Variants in CTSS observed in about 807,000 individuals in gnomAD.
The protein encoded by CTSS is cathepsin S.
Under a neutral mutation model 39.9 loss-of-function variants are expected in CTSS, and 15 were observed. That is an observed-to-expected ratio of 0.38 (90% CI 0.25 to 0.58). The LOEUF (loss-of-function observed/expected upper bound fraction) is 0.58. CTSS is among the 20% of genes least tolerant of loss of function. CTSS has a pLI of 0.70. For synonymous variants in CTSS, 126 were observed against 138.2 expected, an observed-to-expected ratio of 0.91 and a Z score of 0.62; for missense variants, 250 against 398.2, an observed-to-expected ratio of 0.63 and a Z score of 3.17.
rs771143477 is a variant in CTSS at position 150,755,048 on chromosome 1, A to C, written c.352T>G (p.Ser118Ala). 3 of 1,614,172 alleles carry C rather than the reference A, an allele frequency of 1.9e-6. No individual in the cohort carries two copies. The highest frequency in any genetic ancestry group is 2.2e-5 in the East Asian group (1 of 44,882). Residue 118 changes from serine to alanine, a missense_variant, in exon 4 of 8, where the codon TCT becomes GCT. Coordinates refer to ENST00000368985, the MANE Select transcript of CTSS (RefSeq NM_004079.5). ...CACCCTTTCTCTCTCCAGTCCACAG[A>C]ATCAGGCAATATCCGATTAGGGTTT... ...KSNPNRILPD[S>A]VDWREKGCVT...
chr1:150,755,272 G>A (rs1374099157), intron 3 of CTSS, 122 bp from the exon 4 acceptor site: 9 of 1,095,940 alleles, frequency 8.2e-6, no homozygotes, highest in South Asian at 5.8e-5. Flanking sequence ...AACCTAGAGC[G>A]TATTGGCTCC....
At chr1:150,734,065 G>A (rs1363016911) in intron 7 of CTSS, among the ~76,000 whole-genome samples, 1 of 148,378 alleles carries the variant, frequency 6.7e-6, no homozygotes, top group East Asian at 2.0e-4. Flanking sequence ...TTTCGCTCTT[G>A]TTGCCCAGAC....
intron 7 of CTSS, among the ~76,000 whole-genome samples, chr1:150,737,718 G>A (rs1281885475): frequency 1.3e-5 from 2 of 152,130 alleles, no homozygotes; most frequent in Admixed American, 1.3e-4. Context: ...GGTTCTAGAG[G>A]AGAAACATAT....
At chr1:150,734,668 A>C (rs1652597392) in intron 7 of CTSS, among the ~76,000 whole-genome samples, 1 of 152,060 alleles carries the variant, frequency 6.6e-6, no homozygotes, top group African/African-American at 2.4e-5. Context: ...AATAAAAACC[A>C]TACTACTTAC....
intron 2 of CTSS, among the ~76,000 whole-genome samples, chr1:150,764,243 T>C (rs995616470): frequency 3.9e-5 from 6 of 152,152 alleles, no homozygotes; most frequent in Non-Finnish European, 8.8e-5. Context: ...ATAATATTTA[T>C]TTATTTATTT....
chr1:150,749,373 G>T (rs1652957605), intron 6 of CTSS, among the ~76,000 whole-genome samples: 1 of 152,162 alleles, frequency 6.6e-6, no homozygotes, highest in South Asian at 2.1e-4. Flanking sequence ...CTGATACAGA[G>T]AAAATGTGAG....
chr1:150,747,732 C>A, intron 7 of CTSS, 45 bp downstream of exon 7: 1 of 1,329,884 alleles, frequency 7.5e-7, no homozygotes, highest in Non-Finnish European at 1.1e-6. Context: ...CTGAAACTCC[C>A]TCAAATTCCT....
Position 150,730,746 on chromosome 1 carries a change from T to C in CTSS, c.*2300A>G, listed in dbSNP as rs1477404762. Reference sequence around the variant, plus strand: ...AAACCACGGTAATATTAGCAATACTTCATCATCAAAAGAAAAACCCAGATA... The same window carrying C: ...AAACCACGGTAATATTAGCAATACTCCATCATCAAAAGAAAAACCCAGATA... On this transcript the variant is annotated 3_prime_UTR_variant, in exon 8 of 8. Transcript: ENST00000368985. The C allele has an allele frequency of 6.6e-6, 1 of 152,218 alleles. No individual in the cohort carries two copies. The highest frequency in any genetic ancestry group is 6.5e-5 in the Admixed American group (1 of 15,270). 9.4% of individuals were successfully genotyped at this position (152,218 alleles called of 1,614,324 possible).
At chr1:150,765,287 GTTT>G (rs144296504) in intron 1 of CTSS, among the ~76,000 whole-genome samples, 1 of 136,892 alleles carries the variant, frequency 7.3e-6, no homozygotes, top group Non-Finnish European at 1.6e-5. Flanking sequence ...TCCTTTTTAC[GTTT>G]TTTTTTTTTT....
At chr1:150,758,320 G>T (rs1252162194) in intron 2 of CTSS, among the ~76,000 whole-genome samples, 3 of 152,028 alleles carry the variant, frequency 2.0e-5, no homozygotes, top group Non-Finnish European at 4.4e-5. Flanking sequence ...AAAGTACTGG[G>T]ATTACAGGTG....
intron 2 of CTSS, among the ~76,000 whole-genome samples, chr1:150,762,829 A>G (rs1343985175): frequency 6.6e-6 from 1 of 152,226 alleles, no homozygotes; most frequent in Non-Finnish European, 1.5e-5. Flanking sequence ...GTAGGAATGT[A>G]AATTAGTACA....
At chr1:150,734,252 C>T (rs944314676) in intron 7 of CTSS, among the ~76,000 whole-genome samples, 2 of 151,784 alleles carry the variant, frequency 1.3e-5, no homozygotes, top group Non-Finnish European at 2.9e-5. Flanking sequence ...GTCTCCAACT[C>T]CTGACCTCAA....
Position 150,732,452 on chromosome 1 carries a change from A to G in CTSS, c.*594T>C, listed in dbSNP as rs905020986. 2 of 152,212 alleles carry G rather than the reference A, an allele frequency of 1.3e-5. No individual in the cohort carries two copies. The highest frequency in any genetic ancestry group is 4.8e-5 in the African/African-American group (2 of 41,464). 9.4% of individuals were successfully genotyped at this position (152,212 alleles called of 1,614,324 possible). A position where few individuals can be genotyped will look rare whatever the true frequency, so the allele number is the denominator to read the frequency against. On this transcript the variant is annotated 3_prime_UTR_variant, in exon 8 of 8. Transcript: ENST00000368985. ...TTACAAAAGGCTATTAGGGGTCTTA[A>G]AAAGACAAAGAGTATACAATAAAAC...
intron 4 of CTSS, among the ~76,000 whole-genome samples, chr1:150,754,409 C>T (rs1001634963): frequency 6.6e-6 from 1 of 150,508 alleles, no homozygotes; most frequent in African/African-American, 2.4e-5. Flanking sequence ...CCACTACGCC[C>T]GGCCCTCCCT....
intron 3 of CTSS, 134 bp downstream of exon 3, chr1:150,757,724 A>T: frequency 4.0e-6 from 3 of 754,894 alleles, no homozygotes; most frequent in Non-Finnish European, 5.9e-6. Flanking sequence ...TACGTCCTTC[A>T]ATTCTACTGT....
At position 150,751,811 on chromosome 1, in the gene CTSS, G is replaced by A; in HGVS notation, c.597C>T (p.Asp199=). 6 of 1,614,160 alleles carry A rather than the reference G, an allele frequency of 3.7e-6. No homozygotes were observed. The highest frequency in any genetic ancestry group is 1.3e-5 in the African/African-American group (1 of 75,044). Residue 199 remains aspartate (D), a synonymous_variant, in exon 5 of 8, where the codon GAC becomes GAT. Coordinates refer to ENST00000368985, the MANE Select transcript of CTSS (RefSeq NM_004079.5). ...CTTTGTAGGGATAGGAAGCGTCTGA[G>A]TCGATGCCCTTGTTATCAATGATGT... ...FQYIIDNKGI[D]SDASYPYKAM... is the part of the protein sequence containing the mutation.
chr1:150,764,819 CCACATGTTTTCATAA>C, intron 1 of CTSS, 55 bp from the exon 2 acceptor site: 1 of 1,586,708 alleles, frequency 6.3e-7, no homozygotes, highest in Non-Finnish European at 8.6e-7. Flanking sequence ...TATGTTGTGA[CCACATGTTTTCATAA>C]GAGAAAATAA....
chr1:150,763,390 GATA>G (rs910451994), intron 2 of CTSS, among the ~76,000 whole-genome samples: 14 of 152,190 alleles, frequency 9.2e-5, no homozygotes, highest in African/African-American at 2.9e-4. Context: ...GGTGACTACA[GATA>G]ATAATAATAA....
At chr1:150,747,141 T>G (rs748600471) in intron 7 of CTSS, among the ~76,000 whole-genome samples, 1 of 152,144 alleles carries the variant, frequency 6.6e-6, no homozygotes. Context: ...GACTAATTGG[T>G]TGCTTGGTTG....
Sources: allele counts gnomAD v4.1 joint callset (sites outside exome capture counted in the v4.1 genomes callset), GRCh38; gene constraint gnomAD v4.1.1; transcripts MANE v1.5; gene names NCBI Gene and HGNC (gene_info 2026-07-23, HGNC 2026-07-21).